The following INSR variants were observed in gnomAD, a reference collection of about 807,000 sequenced individuals.
INSR encodes IR.
A neutral mutation model predicts 142.6 loss-of-function variants in INSR; 67 were observed. The observed-to-expected ratio is 0.47, with a 90% confidence interval of 0.39 to 0.58. The LOEUF (loss-of-function observed/expected upper bound fraction) is 0.58, where lower values mean the gene tolerates loss of function less well. INSR is among the 20% of genes least tolerant of loss of function. The pLI is 0.00. For synonymous variants in INSR, 756 were observed against 743.1 expected (o/e 1.02, Z -0.28); for missense variants, 1,248 against 1,833.2 (o/e 0.68, Z 5.83).
At chr19:7,160,886 T>C (rs1005794465) in intron 9 of INSR, among the ~76,000 whole-genome samples, 1 of 150,140 alleles carries the variant, frequency 6.7e-6, no homozygotes, top group Non-Finnish European at 1.5e-5. Context: ...ATCCCAGCTA[T>C]TCAGGAGGCT....
At chr19:7,174,801 G>A in intron 3 of INSR, 70 bp from the exon 4 acceptor site, 8 of 1,466,406 alleles carry the variant, frequency 5.5e-6, no homozygotes, top group Non-Finnish European at 7.5e-6. Flanking sequence ...AGGTCCTTCA[G>A]ACATCTCAGG....
chr19:7,270,339 T>TCTCACACACACACA lies in INSR; in HGVS notation c.101-2444_101-2443insTGTGTGTGTGTGAG, dbSNP rs1414011806. 4.3e-4 allele frequency among the ~76,000 whole-genome samples: 52 copies of TCTCACACACACACA among 120,300 alleles called. No individual in the cohort carries two copies. In the East Asian group the frequency reaches 7.9e-3, roughly 18 times the overall value. The allele number at this position is 120,300 out of a possible 152,430, so 78.9% of individuals were successfully genotyped here. On this transcript the variant is annotated intron_variant, in intron 1 of 21. Transcript: ENST00000302850. ...ATTTCTCTCTCTCTCTCTCTCTCTC[T>TCTCACACACACACA]CACACACACACACACACACACACAC...
chr19:7,182,837 T>A (rs1376925837), intron 3 of INSR, among the ~76,000 whole-genome samples: 2 of 150,872 alleles, frequency 1.3e-5, no homozygotes, highest in East Asian at 3.9e-4. Context: ...TTATTTCAAT[T>A]GTGATTTTAA....
intron 13 of INSR, among the ~76,000 whole-genome samples, chr19:7,134,133 C>G (rs750478636): frequency 8.1e-5 from 12 of 147,948 alleles, no homozygotes; most frequent in Non-Finnish European, 1.3e-4. Context: ...GAGCCGAGAT[C>G]GCGCCACTTA....
At chr19:7,118,808 G>A (rs943576023) in intron 21 of INSR, among the ~76,000 whole-genome samples, 23 of 149,670 alleles carry the variant, frequency 1.5e-4, no homozygotes, top group African/African-American at 5.4e-4. Context: ...CTAGCTACTC[G>A]GGAGGCTGAG....
intron 2 of INSR, among the ~76,000 whole-genome samples, chr19:7,226,903 T>C (rs1975805654): frequency 6.6e-6 from 1 of 152,178 alleles, no homozygotes; most frequent in African/African-American, 2.4e-5. Flanking sequence ...TTTGCTACTC[T>C]TGAGCAAGAT....
chr19:7,213,590 C>T (rs1568490321), intron 2 of INSR, among the ~76,000 whole-genome samples: 1 of 152,134 alleles, frequency 6.6e-6, no homozygotes, highest in Non-Finnish European at 1.5e-5. Flanking sequence ...TGTCCATAGC[C>T]CAGTGCATGA....
intron 2 of INSR, among the ~76,000 whole-genome samples, chr19:7,243,262 T>C: frequency 7.1e-6 from 1 of 140,120 alleles, no homozygotes; most frequent in African/African-American, 2.8e-5. Context: ...TTTTTTTTTT[T>C]TGAGATGCAG....
intron 13 of INSR, among the ~76,000 whole-genome samples, chr19:7,138,817 G>T (rs8110533): frequency 0.11 from 16,591 of 152,006 alleles, 1,535 homozygotes; most frequent in East Asian, 0.49. Flanking sequence ...TTTGTTCCCT[G>T]CCCCAAATTT....
chr19:7,218,423 C>A (rs1017304668), intron 2 of INSR, among the ~76,000 whole-genome samples: 3 of 152,078 alleles, frequency 2.0e-5, no homozygotes, highest in African/African-American at 4.8e-5. Context: ...AAGGGGCAGA[C>A]CTGGGGTTAA....
intron 1 of INSR, among the ~76,000 whole-genome samples, chr19:7,276,985 C>T (rs1333257588): frequency 6.6e-6 from 1 of 152,146 alleles, no homozygotes; most frequent in African/African-American, 2.4e-5. Context: ...CCCGTCTAGA[C>T]CTCCCAAAGT....
At chr19:7,223,970 C>T (rs1221184182) in intron 2 of INSR, among the ~76,000 whole-genome samples, 1 of 151,150 alleles carries the variant, frequency 6.6e-6, no homozygotes, top group Non-Finnish European at 1.5e-5. Context: ...TTTTTGAGAC[C>T]AGTCTCGCTC....
At chr19:7,158,123 G>GT (rs1459022748) in intron 9 of INSR, among the ~76,000 whole-genome samples, 1 of 150,610 alleles carries the variant, frequency 6.6e-6, no homozygotes, top group Non-Finnish European at 1.5e-5. Flanking sequence ...TCAGGCACAG[G>GT]TATCATTCCT....
At chr19:7,270,870 T>C (rs2145217726) in intron 1 of INSR, among the ~76,000 whole-genome samples, 1 of 151,746 alleles carries the variant, frequency 6.6e-6, no homozygotes, top group Non-Finnish European at 1.5e-5. Context: ...ACCATCCTGG[T>C]TAACACGGTG....
At chr19:7,184,662 GGAAATAAATAAAT>G (rs1568470747) in intron 2 of INSR, 25 bp from the exon 3 acceptor site, 139 of 982,518 alleles carry the variant, frequency 1.4e-4, no homozygotes, top group Non-Finnish European at 1.7e-4. Flanking sequence ...AGAGAGAGAG[GGAAATAAATAAAT>G]AAATAAATAA....
At chr19:7,142,724 C>G (rs140567579) in intron 12 of INSR, 92 bp downstream of exon 12, 2 of 1,465,920 alleles carry the variant, frequency 1.4e-6, no homozygotes, top group African/African-American at 1.4e-5. Flanking sequence ...AGGTAAAATA[C>G]AGATATGCAC....
At chr19:7,212,573 T>G (rs1326805429) in intron 2 of INSR, among the ~76,000 whole-genome samples, 2 of 151,860 alleles carry the variant, frequency 1.3e-5, no homozygotes, top group African/African-American at 4.8e-5. Context: ...GAGAGAAAAT[T>G]TTTCTTTAAA....
chr19:7,224,545 C>T (rs561777858), intron 2 of INSR, among the ~76,000 whole-genome samples: 25 of 152,276 alleles, frequency 1.6e-4, no homozygotes, highest in Middle Eastern at 3.4e-3. Flanking sequence ...GGCGACTTGC[C>T]GACGGCCCCA....
chr19:7,207,942 G>GGA (rs1975157094), intron 2 of INSR, among the ~76,000 whole-genome samples: 1 of 29,866 alleles, frequency 3.3e-5, no homozygotes. Flanking sequence ...GGAAGGAAGG[G>GGA]AAGGAGGGAG....
Sources: allele counts gnomAD v4.1 joint callset (sites outside exome capture counted in the v4.1 genomes callset), GRCh38; gene constraint gnomAD v4.1.1; transcripts MANE v1.5; gene names NCBI Gene and HGNC (gene_info 2026-07-23, HGNC 2026-07-21).